The following TRHDE variants were observed in gnomAD, a reference collection of about 807,000 sequenced individuals.
TRHDE encodes the protein thyrotropin releasing hormone degrading enzyme.
In TRHDE, 72 loss-of-function variants were observed where a neutral mutation model predicts 125.7. That is an observed-to-expected ratio of 0.57 (90% CI 0.47 to 0.70). TRHDE has a LOEUF of 0.70. Among genes scored for constraint, TRHDE ranks in the 30% least tolerant of loss-of-function variants. The pLI is 0.00. For missense variants in TRHDE, 1,110 were observed against 1,327.1 expected (o/e 0.84, Z 2.54); for synonymous variants, 509 against 509.1 (o/e 1.00, Z 0.00).
chr12:72,209,741 G>T (rs986924044), intron 2 of TRHDE, among the ~76,000 whole-genome samples: 1 of 152,232 alleles, frequency 6.6e-6, no homozygotes, highest in East Asian at 1.9e-4. Context: ...TTCACTTAAG[G>T]TTAAAATAAC....
At chr12:72,639,411 C>T (rs967625928) in intron 15 of TRHDE, among the ~76,000 whole-genome samples, 2 of 152,040 alleles carry the variant, frequency 1.3e-5, no homozygotes, top group Admixed American at 6.6e-5. Flanking sequence ...TTCTTCTAAA[C>T]TTTTTTCAAA....
intron 7 of TRHDE, among the ~76,000 whole-genome samples, chr12:72,547,721 C>G (rs887824495): frequency 6.6e-6 from 1 of 151,674 alleles, no homozygotes; most frequent in Non-Finnish European, 1.5e-5. Flanking sequence ...TATGTGTTCT[C>G]CCAACCCAGG....
At chr12:72,094,174 G>T (rs680482) in intron 1 of TRHDE, among the ~76,000 whole-genome samples, 298 of 152,162 alleles carry the variant, frequency 2.0e-3, no homozygotes, top group African/African-American at 7.0e-3. Context: ...GCCTTGGCCA[G>T]TAGGACTGGT....
At chr12:72,315,035 A>C (rs1868731280) in intron 2 of TRHDE, among the ~76,000 whole-genome samples, 1 of 152,236 alleles carries the variant, frequency 6.6e-6, no homozygotes, top group African/African-American at 2.4e-5. Flanking sequence ...TTGTTTAGGC[A>C]GATATATCTG....
chr12:72,509,296 A>C (rs76239352), intron 6 of TRHDE, among the ~76,000 whole-genome samples: 2 of 151,460 alleles, frequency 1.3e-5, no homozygotes, highest in South Asian at 4.2e-4. Flanking sequence ...ACAAAATGAT[A>C]ATAAAAGACA....
chr12:72,596,646 G>T (rs1189827390), intron 12 of TRHDE, among the ~76,000 whole-genome samples: 1 of 152,150 alleles, frequency 6.6e-6, no homozygotes, highest in Non-Finnish European at 1.5e-5. Context: ...AGAAGAGGTG[G>T]CAATTGAAGA....
intron 15 of TRHDE, among the ~76,000 whole-genome samples, chr12:72,646,393 A>G (rs1874282171): frequency 1.3e-5 from 2 of 152,082 alleles, no homozygotes; most frequent in South Asian, 2.1e-4. Flanking sequence ...TAAAAACTCA[A>G]AAAAAGGAAG....
chr12:72,634,095 G>A (rs1873614723), intron 15 of TRHDE, among the ~76,000 whole-genome samples: 1 of 152,054 alleles, frequency 6.6e-6, no homozygotes, highest in Non-Finnish European at 1.5e-5. Context: ...GCTAAGCACT[G>A]GACAGACATC....
chr12:72,332,370 AC>A (rs1490547941), intron 2 of TRHDE, among the ~76,000 whole-genome samples: 1 of 152,078 alleles, frequency 6.6e-6, no homozygotes, highest in Non-Finnish European at 1.5e-5. Context: ...TGATCTCCTG[AC>A]CTCATGATCC....
intron 2 of TRHDE, among the ~76,000 whole-genome samples, chr12:72,117,363 C>G (rs561682807): frequency 1.2e-4 from 18 of 152,018 alleles, no homozygotes; most frequent in African/African-American, 4.1e-4. Context: ...CTTTTGGCAC[C>G]TTTGTTGAAA....
intron 12 of TRHDE, among the ~76,000 whole-genome samples, chr12:72,587,972 A>C (rs557794389): frequency 5.3e-5 from 8 of 152,262 alleles, no homozygotes; most frequent in African/African-American, 1.9e-4. Flanking sequence ...CCTATTTCTC[A>C]TTGCAAACAA....
intron 1 of TRHDE, among the ~76,000 whole-genome samples, chr12:72,281,521 A>G (rs1313629687): frequency 6.6e-6 from 1 of 152,196 alleles, no homozygotes; most frequent in East Asian, 1.9e-4. Flanking sequence ...GAGAAATTGC[A>G]GTTGCTATAG....
At chr12:72,449,074 T>C (rs939942106) in intron 3 of TRHDE, among the ~76,000 whole-genome samples, 1 of 152,064 alleles carries the variant, frequency 6.6e-6, no homozygotes, top group South Asian at 2.1e-4. Context: ...TTGCATCTTA[T>C]CCAGCTTCCT....
At chr12:72,334,604 G>A (rs1458940032) in intron 2 of TRHDE, among the ~76,000 whole-genome samples, 1 of 152,180 alleles carries the variant, frequency 6.6e-6, no homozygotes, top group Non-Finnish European at 1.5e-5. Flanking sequence ...AACTTGTTTC[G>A]CCTGGCAAAT....
intron 3 of TRHDE, among the ~76,000 whole-genome samples, chr12:72,435,195 T>C (rs1392583072): frequency 6.6e-6 from 1 of 152,210 alleles, no homozygotes; most frequent in East Asian, 1.9e-4. Flanking sequence ...GACTACGAAT[T>C]AAAAAGAAAT....
At chr12:72,156,224 G>A (rs563469636) in intron 2 of TRHDE, among the ~76,000 whole-genome samples, 22 of 152,290 alleles carry the variant, frequency 1.4e-4, no homozygotes, top group African/African-American at 4.6e-4. Flanking sequence ...CTGGTGTGCC[G>A]TTTGCTAAGA....
intron 2 of TRHDE, among the ~76,000 whole-genome samples, chr12:72,106,713 A>G (rs573737981): frequency 6.6e-6 from 1 of 152,224 alleles, no homozygotes; most frequent in South Asian, 2.1e-4. Context: ...AAAAGCATTG[A>G]TAATTTACTT....
Position 72,286,843 on chromosome 12 carries a change from T to C in TRHDE, c.1077T>C (p.Asp359=), listed in dbSNP as rs561513671. 1 of 1,614,018 alleles carries C rather than the reference T, an allele frequency of 6.2e-7. No individual in the cohort carries two copies. The highest frequency in any genetic ancestry group is 1.3e-5 in the African/African-American group (1 of 75,006). ...TGGAAACTTCCGTGTTTGAGGAAGA[T>C]GGATGGGTTACGGATCACTTTTCAC... ...MPVETSVFEE[D]GWVTDHFSQT... is the part of the protein sequence containing the mutation. The change falls in exon 2 of 19, where the codon GAT becomes GAC. Residue 359 remains aspartate (D), a synonymous_variant. Transcript: ENST00000261180.
intron 2 of TRHDE, among the ~76,000 whole-genome samples, chr12:72,169,540 G>A (rs1876824823): frequency 2.6e-5 from 4 of 151,996 alleles, no homozygotes; most frequent in Admixed American, 2.6e-4. Flanking sequence ...AGATCTCTGT[G>A]TCTCTTCCTC....
Sources: gnomAD v4.1 joint callset for allele counts (sites outside exome capture counted in the v4.1 genomes callset) on GRCh38, gnomAD v4.1.1 for gene constraint, MANE v1.5 for transcripts, NCBI Gene and HGNC (gene_info 2026-07-23, HGNC 2026-07-21) for gene names.